RBFOX1: variants seen among roughly 807,000 people sequenced by gnomAD.
The protein encoded by RBFOX1 is RNA binding protein fox-1 homolog 1.
RBFOX1 carries 8 observed loss-of-function variants against 57.7 expected under a neutral mutation model. The ratio of observed to expected loss-of-function variants is 0.14; its 90% confidence interval spans 0.08 to 0.25. The LOEUF (loss-of-function observed/expected upper bound fraction) is 0.25, where lower values mean the gene tolerates loss of function less well. Ranked by LOEUF, RBFOX1 falls within the 10% of genes least tolerant of loss-of-function variation. RBFOX1 has a pLI of 1.00. For missense variants in RBFOX1, 611 were observed against 548.5 expected (o/e 1.11, Z -1.14); for synonymous variants, 326 against 222.4 (o/e 1.47, Z -4.15).
chr16:5,923,834 C>T (rs906987641), intron 4 of RBFOX1, among the ~76,000 whole-genome samples: 1 of 151,950 alleles, frequency 6.6e-6, no homozygotes, highest in African/African-American at 2.4e-5. Flanking sequence ...AGCCACCGTA[C>T]CTAGCCTCCA....
intron 4 of RBFOX1, among the ~76,000 whole-genome samples, chr16:7,073,493 C>G (rs548443413): frequency 2.0e-5 from 3 of 152,066 alleles, no homozygotes; most frequent in African/African-American, 7.2e-5. Context: ...CCCTACAATT[C>G]GTTCTATGTA....
intron 4 of RBFOX1, among the ~76,000 whole-genome samples, chr16:6,006,495 C>T (rs918236666): frequency 1.1e-4 from 16 of 152,168 alleles, no homozygotes; most frequent in African/African-American, 2.4e-4. Context: ...AACCTGCCAA[C>T]GTGGACCATG....
intron 4 of RBFOX1, among the ~76,000 whole-genome samples, chr16:5,991,627 T>G (rs1008317323): frequency 1.3e-5 from 2 of 151,346 alleles, no homozygotes; most frequent in Non-Finnish European, 2.9e-5. Context: ...GCCATTTGGT[T>G]TGGGAAATTA....
At chr16:5,951,684 C>T (rs1473759708) in intron 4 of RBFOX1, among the ~76,000 whole-genome samples, 1 of 152,078 alleles carries the variant, frequency 6.6e-6, no homozygotes, top group African/African-American at 2.4e-5. Context: ...CTATGACCGT[C>T]CCCTGACTCA....
chr16:6,470,946 A>G (rs2095160494), intron 2 of RBFOX1, among the ~76,000 whole-genome samples: 1 of 152,156 alleles, frequency 6.6e-6, no homozygotes, highest in Admixed American at 6.5e-5. Context: ...TTAGGCTAAG[A>G]TACAATAAAA....
At chr16:5,893,262 A>C (rs749596044) in intron 4 of RBFOX1, among the ~76,000 whole-genome samples, 3 of 152,222 alleles carry the variant, frequency 2.0e-5, no homozygotes, top group Non-Finnish European at 4.4e-5. Flanking sequence ...AGTATTTTAC[A>C]AGTAAATACG....
intron 2 of RBFOX1, among the ~76,000 whole-genome samples, chr16:6,518,638 C>A (rs890729273): frequency 7.9e-5 from 12 of 152,112 alleles, no homozygotes; most frequent in Admixed American, 6.6e-5. Flanking sequence ...TTGACATTGT[C>A]CTAGTGTTTG....
intron 1 of RBFOX1, among the ~76,000 whole-genome samples, chr16:5,404,648 C>T (rs1258252125): frequency 6.6e-6 from 1 of 152,148 alleles, no homozygotes; most frequent in East Asian, 1.9e-4. Context: ...AGCCCTGAAC[C>T]CCTATTCTGT....
At chr16:6,741,349 A>G (rs1373795848) in intron 3 of RBFOX1, among the ~76,000 whole-genome samples, 4 of 152,160 alleles carry the variant, frequency 2.6e-5, no homozygotes, top group Non-Finnish European at 1.5e-5. Context: ...CTATAAAAGA[A>G]AAAAATGATA....
At position 7,610,082 on chromosome 16, in the gene RBFOX1, C is replaced by A. The variant is rs1193449204; in HGVS notation, c.676+2744C>A. 3.6e-5 allele frequency among the ~76,000 whole-genome samples: 5 copies of A among 139,934 alleles called. No homozygotes were observed. The South Asian group carries it at 9.3e-4, about 26-fold the overall frequency. 91.8% of individuals were successfully genotyped at this position (139,934 alleles called of 152,430 possible). On this transcript the variant is annotated intron_variant, in intron 10 of 15. Coordinates refer to ENST00000550418, the MANE Select transcript of RBFOX1 (RefSeq NM_018723.4). The stretch of plus-strand genomic sequence containing the variant: ...CCGCCCTCCTCGGCCTCCTGAAGTG[C>A]TGGGATTACAGGTGTGAGCCACTGC...
At chr16:6,406,518 T>G (rs1174934624) in intron 2 of RBFOX1, among the ~76,000 whole-genome samples, 2 of 152,200 alleles carry the variant, frequency 1.3e-5, no homozygotes, top group African/African-American at 4.8e-5. Flanking sequence ...TTAGGGTTAT[T>G]TGGTCATTTG....
chr16:6,936,172 T>C (rs1348333275), intron 3 of RBFOX1, among the ~76,000 whole-genome samples: 1 of 152,218 alleles, frequency 6.6e-6, no homozygotes, highest in African/African-American at 2.4e-5. Flanking sequence ...GTTGCAGTCA[T>C]TGCGAGTTGT....
intron 4 of RBFOX1, among the ~76,000 whole-genome samples, chr16:7,144,217 C>G (rs564436178): frequency 6.6e-6 from 1 of 151,970 alleles, no homozygotes; most frequent in Non-Finnish European, 1.5e-5. Context: ...TAAAGATTTC[C>G]TCATTTTGAG....
chr16:5,887,787 G>A (rs891613075), intron 4 of RBFOX1, among the ~76,000 whole-genome samples: 15 of 152,144 alleles, frequency 9.9e-5, no homozygotes, highest in Admixed American at 7.9e-4. Flanking sequence ...CCACGCAACC[G>A]AATGGTTGTG....
At chr16:5,342,253 G>C (rs1036373445) in intron 1 of RBFOX1, among the ~76,000 whole-genome samples, 10 of 152,154 alleles carry the variant, frequency 6.6e-5, no homozygotes, top group African/African-American at 2.4e-4. Flanking sequence ...CATCTGTTGA[G>C]ATTTGAGGTG....
chr16:7,371,003 T>C (rs1003822228), intron 4 of RBFOX1, among the ~76,000 whole-genome samples: 1 of 152,136 alleles, frequency 6.6e-6, no homozygotes, highest in African/African-American at 2.4e-5. Context: ...AGGACAGGTA[T>C]TTTATTGGGA....
At chr16:7,392,778 T>G (rs904358444) in intron 4 of RBFOX1, among the ~76,000 whole-genome samples, 2 of 152,204 alleles carry the variant, frequency 1.3e-5, no homozygotes, top group African/African-American at 4.8e-5. Flanking sequence ...GCATAATTAC[T>G]GTAGGGATGT....
intron 1 of RBFOX1, among the ~76,000 whole-genome samples, chr16:6,175,050 C>A (rs923581359): frequency 6.6e-6 from 1 of 152,188 alleles, no homozygotes. Context: ...CCATACGTAT[C>A]TCCCAGAGTT....
chr16:6,368,805 A>G (rs1301409646), intron 2 of RBFOX1, among the ~76,000 whole-genome samples: 1 of 152,236 alleles, frequency 6.6e-6, no homozygotes. Flanking sequence ...TGTTGGTAGT[A>G]ACATGGCTTG....
Sources: gnomAD v4.1 joint callset for allele counts (sites outside exome capture counted in the v4.1 genomes callset) on GRCh38, gnomAD v4.1.1 for gene constraint, MANE v1.5 for transcripts, NCBI Gene and HGNC (gene_info 2026-07-23, HGNC 2026-07-21) for gene names.